CDC14B: variants seen among roughly 807,000 people sequenced by gnomAD.
The protein encoded by CDC14B is dual specificity protein phosphatase CDC14B.
A neutral mutation model predicts 64.2 loss-of-function variants in CDC14B; 22 were observed. That is an observed-to-expected ratio of 0.34 (90% CI 0.24 to 0.49). The LOEUF (loss-of-function observed/expected upper bound fraction) is 0.49. Ranked by LOEUF, CDC14B falls within the 20% of genes least tolerant of loss-of-function variation. The pLI, the probability that CDC14B is intolerant of heterozygous loss-of-function variation, is 0.99. For synonymous variants in CDC14B, 191 were observed against 215.8 expected, an observed-to-expected ratio of 0.89 and a Z score of 1.01; for missense variants, 498 against 629.9, an observed-to-expected ratio of 0.79 and a Z score of 2.24.
rs1469794518 is a variant in CDC14B at position 96,518,968 on chromosome 9, C to A, written c.1343+3538G>T. ...TGGCTAACACAGTGAAACCCTGTCT[C>A]TACTAAAAATACAAAAATTTAGCCG... On this transcript the variant is annotated intron_variant, in intron 12 of 13. Coordinates refer to ENST00000375241, the MANE Select transcript of CDC14B (RefSeq NM_033331.4). Among the ~76,000 whole-genome samples, 5 of 152,072 alleles carry A rather than the reference C, an allele frequency of 3.3e-5. No individual in the cohort carries two copies. The East Asian group carries it at 5.8e-4, about 18-fold the overall frequency.
intron 1 of CDC14B, among the ~76,000 whole-genome samples, chr9:96,572,226 T>TA (rs1323950861): frequency 6.6e-6 from 1 of 152,186 alleles, no homozygotes; most frequent in East Asian, 1.9e-4. Flanking sequence ...GCCTTCATAA[T>TA]AAACTAGTAA....
At chr9:96,544,046 G>A (rs1840449958) in intron 5 of CDC14B, among the ~76,000 whole-genome samples, 3 of 151,738 alleles carry the variant, frequency 2.0e-5, no homozygotes, top group African/African-American at 7.3e-5. Flanking sequence ...GTGAAACCCT[G>A]TCTCTACTAA....
intron 4 of CDC14B, 90 bp from the exon 5 acceptor site, chr9:96,551,962 C>T (rs1384827121): frequency 1.3e-6 from 2 of 1,486,834 alleles, no homozygotes; most frequent in African/African-American, 2.8e-5. Context: ...CAATTTCCAA[C>T]CAACTGAGCA....
At chr9:96,538,885 C>A in intron 7 of CDC14B, 193 bp downstream of exon 7, 1 of 531,252 alleles carries the variant, frequency 1.9e-6, no homozygotes, top group Non-Finnish European at 3.4e-6. Context: ...ATCACACACG[C>A]CAAAAGACTA....
At chr9:96,583,762 A>G (rs971145459) in intron 1 of CDC14B, among the ~76,000 whole-genome samples, 6 of 151,790 alleles carry the variant, frequency 4.0e-5, no homozygotes, top group Non-Finnish European at 8.8e-5. Context: ...TCTGTCGCCC[A>G]GGCTGGAGTG....
intron 9 of CDC14B, among the ~76,000 whole-genome samples, chr9:96,527,548 T>C (rs1837762252): frequency 6.6e-6 from 1 of 152,200 alleles, no homozygotes; most frequent in Non-Finnish European, 1.5e-5. Flanking sequence ...ATTACCACCA[T>C]CCATCTTCAG....
At chr9:96,555,365 G>A (rs1197795234) in intron 4 of CDC14B, among the ~76,000 whole-genome samples, 3 of 152,170 alleles carry the variant, frequency 2.0e-5, no homozygotes, top group African/African-American at 7.2e-5. Context: ...CCAGCAATCG[G>A]CACTAACCTG....
At chr9:96,536,113 G>A (rs1344037017) in intron 7 of CDC14B, among the ~76,000 whole-genome samples, 1 of 152,118 alleles carries the variant, frequency 6.6e-6, no homozygotes, top group East Asian at 1.9e-4. Context: ...GGAAAAAATG[G>A]GCATTGTAGA....
intron 7 of CDC14B, among the ~76,000 whole-genome samples, chr9:96,538,306 CTG>C (rs1839564809): frequency 6.6e-6 from 1 of 152,170 alleles, no homozygotes; most frequent in Non-Finnish European, 1.5e-5. Context: ...GAAATTCCCA[CTG>C]AGAATTGGGA....
chr9:96,538,790 A>G, intron 7 of CDC14B: 1 of 263,432 alleles, frequency 3.8e-6, no homozygotes, highest in Non-Finnish European at 7.2e-6. Context: ...TCAGAGTACA[A>G]ACCATCAGAG....
At chr9:96,558,892 G>A (rs1239121742) in intron 4 of CDC14B, among the ~76,000 whole-genome samples, 3 of 152,192 alleles carry the variant, frequency 2.0e-5, no homozygotes, top group African/African-American at 7.2e-5. Context: ...TTACAGTGGT[G>A]CAAAAGATTT....
intron 12 of CDC14B, among the ~76,000 whole-genome samples, chr9:96,511,476 C>G (rs1008569580): frequency 2.0e-5 from 3 of 152,148 alleles, no homozygotes; most frequent in Admixed American, 1.3e-4. Flanking sequence ...GTGGCTGAGG[C>G]AGGAGAACTG....
At chr9:96,495,818 G>C (rs921378227), downstream of CDC14B, among the ~76,000 whole-genome samples, 1 of 152,148 alleles carries the variant, frequency 6.6e-6, no homozygotes, top group South Asian at 2.1e-4. Context: ...GTGAGGCTGC[G>C]TGGGTGTTGC....
At chr9:96,619,066 AG>A (rs1847819763) in intron 1 of CDC14B, among the ~76,000 whole-genome samples, 152 bp downstream of exon 1, 1 of 88,262 alleles carries the variant, frequency 1.1e-5, no homozygotes, top group African/African-American at 4.4e-5. Flanking sequence ...AGGCTCCTAA[AG>A]GGGGTGTGGC....
intron 5 of CDC14B, among the ~76,000 whole-genome samples, chr9:96,545,381 G>A (rs1053258333): frequency 2.7e-5 from 4 of 147,970 alleles, no homozygotes; most frequent in African/African-American, 2.5e-5. Flanking sequence ...GCAGTGGCGC[G>A]ATCTTGGCTC....
chr9:96,514,171 A>G (rs1057215999), intron 12 of CDC14B, among the ~76,000 whole-genome samples: 1 of 152,210 alleles, frequency 6.6e-6, no homozygotes, highest in Non-Finnish European at 1.5e-5. Context: ...TTTACATGGA[A>G]TACTGAAAAG....
chr9:96,536,467 T>A (rs1289561981), intron 7 of CDC14B, among the ~76,000 whole-genome samples: 4 of 152,248 alleles, frequency 2.6e-5, no homozygotes, highest in South Asian at 2.1e-4. Flanking sequence ...ATAACTTAGC[T>A]ATATTCTGTA....
At chr9:96,521,453 C>A (rs1387606453) in intron 12 of CDC14B, among the ~76,000 whole-genome samples, 1 of 152,156 alleles carries the variant, frequency 6.6e-6, no homozygotes, top group Non-Finnish European at 1.5e-5. Context: ...TAATAAATGC[C>A]TATAATCAAA....
At chr9:96,523,492 A>T in intron 10 of CDC14B, 72 bp from the exon 11 acceptor site, 2 of 1,602,682 alleles carry the variant, frequency 1.2e-6, no homozygotes, top group Non-Finnish European at 1.7e-6. Context: ...CTACCAGATT[A>T]TCTGTTGTTG....
Sources: gnomAD v4.1 joint callset for allele counts (sites outside exome capture counted in the v4.1 genomes callset) on GRCh38, gnomAD v4.1.1 for gene constraint, MANE v1.5 for transcripts, NCBI Gene and HGNC (gene_info 2026-07-23, HGNC 2026-07-21) for gene names.